SEMA3C: variants seen among roughly 807,000 people sequenced by gnomAD.
The protein encoded by SEMA3C is semaphorin 3C, also known as semaphorin-3C.
Under a neutral mutation model 89.4 loss-of-function variants are expected in SEMA3C, and 47 were observed. The ratio of observed to expected loss-of-function variants is 0.53; its 90% CI spans 0.42 to 0.67. The LOEUF (loss-of-function observed/expected upper bound fraction) is 0.67. Ranked by LOEUF, SEMA3C falls within the 30% of genes least tolerant of loss-of-function variation. The pLI is 0.00. For synonymous variants in SEMA3C, 310 were observed against 320.2 expected (o/e 0.97, Z 0.34); for missense variants, 839 against 929.1 (o/e 0.90, Z 1.26).
intron 2 of SEMA3C, among the ~76,000 whole-genome samples, chr7:80,913,209 G>A (rs1331882193): frequency 2.0e-5 from 3 of 151,952 alleles, no homozygotes; most frequent in African/African-American, 4.8e-5. Context: ...GAGACCAGCC[G>A]GGCCAACGTG....
intron 4 of SEMA3C, among the ~76,000 whole-genome samples, chr7:80,819,745 T>C (rs1284513747): frequency 5.3e-5 from 8 of 152,296 alleles, no homozygotes; most frequent in South Asian, 2.1e-4. Flanking sequence ...TAATTCTCAA[T>C]TGACTGTGAC....
At chr7:80,875,449 A>G (rs1791178408) in intron 2 of SEMA3C, among the ~76,000 whole-genome samples, 1 of 152,186 alleles carries the variant, frequency 6.6e-6, no homozygotes, top group African/African-American at 2.4e-5. Flanking sequence ...TGATTAACCA[A>G]TTAATGTGGA....
At chr7:80,810,394 G>A (rs984889927) in intron 6 of SEMA3C, among the ~76,000 whole-genome samples, 3 of 152,018 alleles carry the variant, frequency 2.0e-5, no homozygotes, top group African/African-American at 7.2e-5. Context: ...CCTACTCTGG[G>A]AATGACAAAA....
chr7:80,813,505 C>G (rs897435709), intron 5 of SEMA3C, among the ~76,000 whole-genome samples: 1 of 152,178 alleles, frequency 6.6e-6, no homozygotes, highest in African/African-American at 2.4e-5. Flanking sequence ...AATGATATAT[C>G]TTCAACTCCT....
intron 3 of SEMA3C, 98 bp from the exon 4 acceptor site, chr7:80,827,585 G>T: frequency 2.5e-6 from 2 of 815,590 alleles, no homozygotes; most frequent in Non-Finnish European, 3.6e-6. Context: ...TATTTAAGGT[G>T]ATCTTACACT....
chr7:80,876,161 G>A (rs1791197332), intron 2 of SEMA3C, among the ~76,000 whole-genome samples: 1 of 151,880 alleles, frequency 6.6e-6, no homozygotes, highest in Non-Finnish European at 1.5e-5. Flanking sequence ...AGATAAAAAG[G>A]GACTACTGTA....
At chr7:80,833,867 A>G (rs531136540) in intron 2 of SEMA3C, among the ~76,000 whole-genome samples, 10 of 152,236 alleles carry the variant, frequency 6.6e-5, no homozygotes, top group African/African-American at 2.2e-4. Flanking sequence ...TTTCACATAG[A>G]TCCAATTTAA....
At chr7:80,771,593 T>G (rs2117073877) in intron 12 of SEMA3C, among the ~76,000 whole-genome samples, 1 of 152,310 alleles carries the variant, frequency 6.6e-6, no homozygotes, top group East Asian at 1.9e-4. Context: ...AAGTGTTGGC[T>G]GCCTCATGCG....
In SEMA3C at chr7:80,884,229, A is replaced by C. The variant is rs1324300277; in HGVS notation, c.103+32450T>G. Among the ~76,000 whole-genome samples the C allele has an allele frequency of 2.6e-5, 4 of 152,188 alleles. No homozygotes were observed. In the South Asian group the frequency reaches 6.2e-4, roughly 24 times the overall value. On this transcript the variant is annotated intron_variant, in intron 2 of 17. Coordinates refer to ENST00000265361, the MANE Select transcript of SEMA3C (RefSeq NM_006379.5). ...TTGTTTCTCCTAAAAGATGTGAAAT[A>C]TTTAAGACATAACTATCCATCTGAA...
intron 2 of SEMA3C, among the ~76,000 whole-genome samples, chr7:80,851,359 G>T (rs1790507092): frequency 6.6e-6 from 1 of 151,712 alleles, no homozygotes; most frequent in African/African-American, 2.4e-5. Context: ...ACAAAAATTA[G>T]CCAGGCGTGG....
chr7:80,746,011 T>C (rs941596723), intron 17 of SEMA3C, among the ~76,000 whole-genome samples: 5 of 152,152 alleles, frequency 3.3e-5, no homozygotes, highest in East Asian at 3.9e-4. Flanking sequence ...AAAATGATTG[T>C]TTACTGGGTA....
chr7:80,802,652 C>T lies in SEMA3C; in HGVS notation c.916+13G>A. The T allele has an allele frequency of 6.4e-7, 1 of 1,571,062 alleles. No individual in the cohort carries two copies. The highest frequency in any genetic ancestry group is 1.1e-5 in the South Asian group (1 of 89,690). ...TTCTTTCAGAAGCATTTTTCAATCT[C>T]ATATGTATGTACCTAATTCATCAAA... On this transcript the variant is annotated intron_variant, in intron 9 of 17. Coordinates refer to ENST00000265361, the MANE Select transcript of SEMA3C (RefSeq NM_006379.5).
chr7:80,802,761 G>A lies in SEMA3C; in HGVS notation c.820C>T (p.Arg274Cys). The A allele has an allele frequency of 6.2e-7, 1 of 1,612,416 alleles. No homozygotes were observed. Among genetic ancestry groups the A allele is most frequent in the Non-Finnish European group, 8.5e-7 (1 of 1,178,648 alleles). The stretch of plus-strand genomic sequence containing the variant: ...GTGGTCCACTTGTTGACAAGGCTAC[G>A]CAGTCCACCAGTGTCATTCTAAAAC... ...RICPNDTGGL[R>C]SLVNKWTTFL... The change falls in exon 9 of 18, where the codon CGT becomes TGT. Residue 274 changes from arginine to cysteine, a missense_variant. Arg to Cys is a radical substitution (Grantham distance 180). Coordinates refer to ENST00000265361, the MANE Select transcript of SEMA3C (RefSeq NM_006379.5).
At chr7:80,807,758 T>C (rs2115699754) in intron 6 of SEMA3C, among the ~76,000 whole-genome samples, 1 of 152,314 alleles carries the variant, frequency 6.6e-6, no homozygotes, top group Non-Finnish European at 1.5e-5. Context: ...TCTTCAGGTT[T>C]CTGGTCATTT....
Position 80,919,042 on chromosome 7 carries a change from A to T in SEMA3C, c.-253T>A. On this transcript the variant is annotated 5_prime_UTR_variant, in exon 1 of 18. Coordinates refer to ENST00000265361, the MANE Select transcript of SEMA3C (RefSeq NM_006379.5). The stretch of plus-strand genomic sequence containing the variant: ...TCTTCTCCGCGTCGCTCAATCAAGC[A>T]CCTCGGAGTGAATGGAAAGTGGCCG... 5 of 985,266 alleles carry T rather than the reference A, an allele frequency of 5.1e-6. No homozygotes were observed. The highest frequency in any genetic ancestry group is 6.0e-6 in the Non-Finnish European group (5 of 829,866). 61.0% of individuals were successfully genotyped at this position (985,266 alleles called of 1,614,324 possible). A position where few individuals can be genotyped will look rare whatever the true frequency, so the allele number is the denominator to read the frequency against.
Position 80,854,192 on chromosome 7 carries a change from T to C in SEMA3C, c.104-25447A>G, listed in dbSNP as rs559843496. 2.0e-5 allele frequency among the ~76,000 whole-genome samples: 3 copies of C among 152,318 alleles called. No homozygotes were observed. In the South Asian group the frequency reaches 6.2e-4, roughly 32 times the overall value. The stretch of plus-strand genomic sequence containing the variant: ...ATTCTCATAAATCTGGAAGACTCTA[T>C]GTACCCCAAAAAGATGCTCTCAAAG... On this transcript the variant is annotated intron_variant, in intron 2 of 17. Transcript: ENST00000265361.
In SEMA3C at chr7:80,867,527, T is replaced by C. The variant is rs75775406; in HGVS notation, c.104-38782A>G. ...TAACTCTGTCCTCTTTTTTCTTCAA[T>C]GCTGAGTCCTTTGACCTCTTCGTGT... On this transcript the variant is annotated intron_variant, in intron 2 of 17. Coordinates refer to ENST00000265361, the MANE Select transcript of SEMA3C (RefSeq NM_006379.5). Among the ~76,000 whole-genome samples the C allele has an allele frequency of 3.1e-3, 466 of 152,306 alleles. 2 individuals carry two copies. The highest frequency in any genetic ancestry group is 0.011 in the African/African-American group (451 of 41,562).
At chr7:80,866,332 T>TA (rs1790925744) in intron 2 of SEMA3C, among the ~76,000 whole-genome samples, 1 of 151,984 alleles carries the variant, frequency 6.6e-6, no homozygotes, top group Non-Finnish European at 1.5e-5. Flanking sequence ...AAATTCAAAT[T>TA]AAAAAAATAT....
intron 5 of SEMA3C, among the ~76,000 whole-genome samples, chr7:80,815,554 CAAAAAAA>C (rs761990267): frequency 5.1e-5 from 3 of 58,856 alleles, no homozygotes; most frequent in East Asian, 7.4e-4. Context: ...TTTAAATGGG[CAAAAAAA>C]AAAAAAAAAA....
Sources: gnomAD v4.1 joint callset for allele counts (sites outside exome capture counted in the v4.1 genomes callset) on GRCh38, gnomAD v4.1.1 for gene constraint, MANE v1.5 for transcripts, NCBI Gene and HGNC (gene_info 2026-07-23, HGNC 2026-07-21) for gene names.